Variants in ESRP1 observed in about 807,000 individuals in gnomAD.
ESRP1 encodes epithelial splicing regulatory protein 1, also known as RNA-binding motif protein 35A.
ESRP1 carries 33 observed loss-of-function variants against 81.7 expected under a neutral mutation model. The observed-to-expected ratio is 0.40, with a 90% CI of 0.31 to 0.54. The LOEUF (loss-of-function observed/expected upper bound fraction) is 0.54. Ranked by LOEUF, ESRP1 falls within the 20% of genes least tolerant of loss-of-function variation. The pLI, the probability that ESRP1 is intolerant of heterozygous loss-of-function variation, is 0.41. For synonymous variants in ESRP1, 320 were observed against 303.3 expected (o/e 1.06, Z -0.57); for missense variants, 672 against 833.1 (o/e 0.81, Z 2.38).
chr8:94,672,010 A>G (rs1207297602), intron 11 of ESRP1, among the ~76,000 whole-genome samples: 1 of 152,174 alleles, frequency 6.6e-6, no homozygotes, highest in Non-Finnish European at 1.5e-5. Context: ...ACAAATATCC[A>G]TCACATTATC....
chr8:94,686,237 C>CTA (rs1244105521), intron 13 of ESRP1, among the ~76,000 whole-genome samples: 1 of 152,162 alleles, frequency 6.6e-6, no homozygotes, highest in Non-Finnish European at 1.5e-5. Flanking sequence ...CCTACGTTAC[C>CTA]TATATATGTA....
intron 3 of ESRP1, among the ~76,000 whole-genome samples, chr8:94,643,820 G>T (rs886687745): frequency 2.7e-4 from 41 of 152,230 alleles, no homozygotes; most frequent in African/African-American, 9.1e-4. Flanking sequence ...AGAGAGGAAA[G>T]AACTATTCTT....
At position 94,680,847 on chromosome 8, in the gene ESRP1, G is replaced by C. The variant is rs114065851; in HGVS notation, c.1820+2476G>C. 5.2e-3 allele frequency among the ~76,000 whole-genome samples: 791 copies of C among 152,156 alleles called. 5 individuals carry two copies. Among genetic ancestry groups the C allele is most frequent in the African/African-American group, 0.018 (760 of 41,512 alleles). On this transcript the variant is annotated intron_variant, in intron 13 of 15. Coordinates refer to ENST00000433389, the MANE Select transcript of ESRP1 (RefSeq NM_017697.4). ...TCTGATAAGTGGGAAATCTGAAACA[G>C]CATATTCTAGGGATATTATTAATCA...
intron 15 of ESRP1, among the ~76,000 whole-genome samples, chr8:94,704,677 C>T (rs1809984498): frequency 6.7e-6 from 1 of 148,538 alleles, no homozygotes; most frequent in South Asian, 2.2e-4. Context: ...TGGAGGATAC[C>T]TTGAGCCCAG....
At chr8:94,680,722 C>A (rs970483364) in intron 13 of ESRP1, among the ~76,000 whole-genome samples, 1 of 152,026 alleles carries the variant, frequency 6.6e-6, no homozygotes, top group Admixed American at 6.6e-5. Flanking sequence ...CCACCACGCT[C>A]GGTGAAAAAC....
chr8:94,700,192 T>G (rs567937585), intron 15 of ESRP1, among the ~76,000 whole-genome samples: 1 of 152,352 alleles, frequency 6.6e-6, no homozygotes, highest in South Asian at 2.1e-4. Flanking sequence ...GTGCTTCCAG[T>G]GGACTGCATG....
chr8:94,644,178 G>A (rs1196173383), intron 3 of ESRP1, among the ~76,000 whole-genome samples: 1 of 152,172 alleles, frequency 6.6e-6, no homozygotes, highest in Non-Finnish European at 1.5e-5. Context: ...TGTGGGAAAA[G>A]GAACAGCAGA....
chr8:94,643,476 T>G, intron 3 of ESRP1, 60 bp downstream of exon 3: 1 of 1,175,736 alleles, frequency 8.5e-7, no homozygotes, highest in South Asian at 1.3e-5. Context: ...TGGAGGTTTT[T>G]AAAAATTTTT....
At chr8:94,669,443 C>G (rs1377201883) in intron 10 of ESRP1, among the ~76,000 whole-genome samples, 1 of 152,058 alleles carries the variant, frequency 6.6e-6, no homozygotes, top group East Asian at 1.9e-4. Flanking sequence ...AGTTAAGAAC[C>G]TTTTTACCTA....
At chr8:94,667,164 G>T (rs144300270) in intron 9 of ESRP1, among the ~76,000 whole-genome samples, 1 of 151,270 alleles carries the variant, frequency 6.6e-6, no homozygotes, top group Non-Finnish European at 1.5e-5. Context: ...TTTGCAGTGA[G>T]CCGAGACCGT....
At chr8:94,704,175 C>CTTTT (rs34541416) in intron 15 of ESRP1, among the ~76,000 whole-genome samples, 11,783 of 128,810 alleles carry the variant, frequency 0.091, 933 homozygotes, top group East Asian at 0.18. Context: ...GCTTCTGAGA[C>CTTTT]TTTTTTTTTT....
chr8:94,642,822 A>G (rs7386115), intron 2 of ESRP1, among the ~76,000 whole-genome samples: 114,566 of 152,118 alleles, frequency 0.75, 45,771 homozygotes, highest in East Asian at 0.95. Flanking sequence ...CCTCTGCCCT[A>G]GCACACGAGC....
intron 15 of ESRP1, among the ~76,000 whole-genome samples, chr8:94,703,035 C>G (rs572039299): frequency 4.0e-5 from 6 of 150,574 alleles, no homozygotes; most frequent in African/African-American, 1.5e-4. Flanking sequence ...TAAATGTCTG[C>G]AGTTGTAATT....
chr8:94,699,908 T>TATA (rs72542166), intron 15 of ESRP1, among the ~76,000 whole-genome samples: 1 of 150,682 alleles, frequency 6.6e-6, no homozygotes, highest in African/African-American at 2.5e-5. Context: ...TTTATATATA[T>TATA]TTTTTTACCG....
In ESRP1 at chr8:94,664,720, A is replaced by G; in HGVS notation, c.668A>G (p.Asp223Gly). 1.2e-6 allele frequency: 2 copies of G among 1,613,970 alleles called. No homozygotes were observed. Among genetic ancestry groups the G allele is most frequent in the Non-Finnish European group, 1.7e-6 (2 of 1,179,844 alleles). ...GTCSKMELID[D>G]NTVVRARGLP... ...AGCAGCAAGATGGAACTTATTGATG[A>G]TAACACCGTAGTCAGGGCACGAGGT... Residue 223 changes from aspartate to glycine, a missense_variant, in exon 7 of 16, where the codon GAT (aspartate) becomes GGT (glycine). Coordinates refer to ENST00000433389, the MANE Select transcript of ESRP1 (RefSeq NM_017697.4).
At chr8:94,694,275 T>A (rs940667681) in intron 14 of ESRP1, among the ~76,000 whole-genome samples, 2 of 152,224 alleles carry the variant, frequency 1.3e-5, no homozygotes, top group Non-Finnish European at 2.9e-5. Context: ...GCCTTACATA[T>A]AAATTAGTAA....
At chr8:94,646,724 C>A (rs115960225) in intron 4 of ESRP1, among the ~76,000 whole-genome samples, 2,186 of 152,170 alleles carry the variant, frequency 0.014, 61 homozygotes, top group African/African-American at 0.05. Flanking sequence ...CCGCTTTTAG[C>A]CTCCCCTGAG....
rs781262951 is a variant in ESRP1, at chr8:94,665,026, G to A, written c.855G>A (p.Arg285=). Residue 285 remains arginine, a synonymous_variant, in exon 8 of 16, where the codon AGG becomes AGA. Transcript: ENST00000433389. ...SEEHRDLALQ[R]HKHHMGTRYI... is the part of the protein sequence containing the mutation. ...AGCACCGAGACCTAGCACTACAGAG[G>A]CACAAACATCACATGGGGACCCGGT... is the stretch of plus-strand genomic sequence containing the variant. The A allele has an allele frequency of 2.5e-6, 4 of 1,613,650 alleles. No individual in the cohort carries two copies. The East Asian group carries it at 8.9e-5, about 36-fold the overall frequency.
chr8:94,685,977 TC>T (rs1276748725), intron 13 of ESRP1, among the ~76,000 whole-genome samples: 1 of 152,222 alleles, frequency 6.6e-6, no homozygotes, highest in Non-Finnish European at 1.5e-5. Flanking sequence ...AGACACAGTC[TC>T]CCTCTGTCAC....
Sources: gnomAD v4.1 joint callset for allele counts (sites outside exome capture counted in the v4.1 genomes callset) on GRCh38, gnomAD v4.1.1 for gene constraint, MANE v1.5 for transcripts, NCBI Gene and HGNC (gene_info 2026-07-23, HGNC 2026-07-21) for gene names.